MRTFB: variants seen among roughly 807,000 people sequenced by gnomAD.
The protein encoded by MRTFB is myocardin related transcription factor B.
In MRTFB, 29 loss-of-function variants were observed where a neutral mutation model predicts 104.2. The ratio of observed to expected loss-of-function variants is 0.28; its 90% CI spans 0.21 to 0.38. MRTFB has a LOEUF of 0.38. Ranked by LOEUF, MRTFB falls within the 10% of genes least tolerant of loss-of-function variation. The pLI is 1.00. For missense variants in MRTFB, 1,270 were observed against 1,341.6 expected, an observed-to-expected ratio of 0.95 and a Z score of 0.83; for synonymous variants, 535 against 519.5, an observed-to-expected ratio of 1.03 and a Z score of -0.41.
At chr16:14,028,426 G>A in the MRTFB span, among the ~76,000 whole-genome samples, 2 of 152,166 alleles carry the variant, frequency 1.3e-5, no homozygotes, top group African/African-American at 4.8e-5. Context: ...GACAGAGCTG[G>A]TGATTCCTGG....
chr16:14,261,247 A>G lies in MRTFB; in HGVS notation c.3103A>G (p.Thr1035Ala). ...GGACCATTCACACTCACCCATGGAG[A>G]CTTCCGAGACCCAGTTTGCTGCAGG... The part of the protein sequence containing the change: ...MLDHSHSPME[T>A]SETQFAAGTP... The change falls in exon 17 of 17, where the codon ACT becomes GCT. Residue 1035 changes from threonine to alanine, a missense_variant. Around this residue, in one of 3 missense-constraint regions of MRTFB, gnomAD observed 1,144 missense variants for 1,131.5 expected, o/e 1.01. Coordinates refer to ENST00000571589, the MANE Select transcript of MRTFB (RefSeq NM_001308142.2). 6.2e-7 allele frequency: 1 copy of G among 1,614,050 alleles called. No homozygotes were observed. Among genetic ancestry groups the G allele is most frequent in the Non-Finnish European group, 8.5e-7 (1 of 1,180,008 alleles).
chr16:14,002,804 G>A, the MRTFB span, among the ~76,000 whole-genome samples: 3 of 152,040 alleles, frequency 2.0e-5, no homozygotes, highest in East Asian at 1.9e-4. Context: ...ATTCCTAAAA[G>A]GCTGGAAAGA....
At chr16:14,249,931 C>T (rs901994294) in intron 13 of MRTFB, among the ~76,000 whole-genome samples, 1 of 152,154 alleles carries the variant, frequency 6.6e-6, no homozygotes, top group Non-Finnish European at 1.5e-5. Context: ...ACATGTAACA[C>T]GTGTGCTGCT....
At chr16:14,092,291 G>T (rs549893796) in intron 2 of MRTFB, among the ~76,000 whole-genome samples, 1 of 152,184 alleles carries the variant, frequency 6.6e-6, no homozygotes, top group South Asian at 2.1e-4. Context: ...GCGCATAGTG[G>T]GTGTACAGTA....
intron 3 of MRTFB, chr16:14,200,874 G>C: frequency 6.9e-7 from 1 of 1,458,954 alleles, no homozygotes. Flanking sequence ...GTTACCTCAG[G>C]TGTAAGGTGG....
At chr16:14,128,952 T>C (rs1596989858) in intron 2 of MRTFB, among the ~76,000 whole-genome samples, 1 of 152,266 alleles carries the variant, frequency 6.6e-6, no homozygotes, top group Admixed American at 6.5e-5. Flanking sequence ...GCTCCACTCC[T>C]GGCAGCCACT....
intron 2 of MRTFB, among the ~76,000 whole-genome samples, chr16:14,081,433 C>G (rs1301165019): frequency 1.3e-5 from 2 of 152,006 alleles, no homozygotes; most frequent in Non-Finnish European, 2.9e-5. Context: ...GCTGGGATTA[C>G]AGGCATCCGC....
rs2043820731 is a variant in MRTFB at position 14,262,811 on chromosome 16, C to A, written c.*1367C>A. 1 of 152,178 alleles carries A rather than the reference C, an allele frequency of 6.6e-6. No individual in the cohort carries two copies. The highest frequency in any genetic ancestry group is 6.5e-5 in the Admixed American group (1 of 15,282). 9.4% of individuals were successfully genotyped at this position (152,178 alleles called of 1,614,324 possible). ...GTAAATAACAAAAAACTGAAATCTA[C>A]CAAAAGAGCATGGAGATTTTTCTTA... On this transcript the variant is annotated 3_prime_UTR_variant, in exon 17 of 17. Transcript: ENST00000571589.
At chr16:14,062,948 A>G in the MRTFB span, among the ~76,000 whole-genome samples, 25 of 152,226 alleles carry the variant, frequency 1.6e-4, no homozygotes, top group African/African-American at 5.8e-4. Context: ...ACACTTCAAC[A>G]TTCTCATGGG....
chr16:14,028,946 A>G, the MRTFB span, among the ~76,000 whole-genome samples: 2 of 152,066 alleles, frequency 1.3e-5, no homozygotes, highest in African/African-American at 4.8e-5. Flanking sequence ...TGTTCTTCCC[A>G]CTGATGTCTC....
chr16:14,100,571 A>G (rs1737105077), intron 2 of MRTFB, among the ~76,000 whole-genome samples: 1 of 152,190 alleles, frequency 6.6e-6, no homozygotes, highest in South Asian at 2.1e-4. Flanking sequence ...TTTGGTATCA[A>G]GTTAATGCTG....
chr16:14,085,457 CAA>C (rs386384321), intron 2 of MRTFB, among the ~76,000 whole-genome samples: 6 of 61,856 alleles, frequency 9.7e-5, no homozygotes, highest in Admixed American at 1.7e-4. Flanking sequence ...AATTCCATCT[CAA>C]AAAAAAAAAA....
At chr16:14,096,823 A>G (rs1341848372) in intron 2 of MRTFB, among the ~76,000 whole-genome samples, 1 of 152,174 alleles carries the variant, frequency 6.6e-6, no homozygotes, top group African/African-American at 2.4e-5. Context: ...CCTGTTCCTA[A>G]GCTTTTTACA....
At chr16:14,101,050 A>G (rs1039317708) in intron 2 of MRTFB, among the ~76,000 whole-genome samples, 11 of 144,468 alleles carry the variant, frequency 7.6e-5, no homozygotes, top group African/African-American at 2.5e-4. Context: ...TTTCTGTTTC[A>G]TTGATTTTTC....
chr16:14,047,281 C>A, the MRTFB span, among the ~76,000 whole-genome samples: 1 of 152,216 alleles, frequency 6.6e-6, no homozygotes, highest in African/African-American at 2.4e-5. Flanking sequence ...GCTCAAGGAT[C>A]TTCATGTGTG....
the MRTFB span, among the ~76,000 whole-genome samples, chr16:14,004,549 C>T: frequency 1.3e-5 from 2 of 152,154 alleles, no homozygotes; most frequent in Admixed American, 1.3e-4. Flanking sequence ...CCAGGATGGC[C>T]AGGACACAGC....
chr16:14,238,372 TAAG>T (rs926204639), intron 9 of MRTFB, among the ~76,000 whole-genome samples: 5 of 151,622 alleles, frequency 3.3e-5, no homozygotes, highest in African/African-American at 9.7e-5. Flanking sequence ...TATAGCTTGG[TAAG>T]GAGGGAAGTG....
intron 15 of MRTFB, among the ~76,000 whole-genome samples, chr16:14,257,096 T>C (rs2043527050): frequency 6.6e-6 from 1 of 152,200 alleles, no homozygotes; most frequent in African/African-American, 2.4e-5. Flanking sequence ...CTACAAAGTA[T>C]TGGTGAGAAT....
chr16:14,170,559 C>T (rs924000960), intron 3 of MRTFB: 4 of 152,190 alleles, frequency 2.6e-5, no homozygotes, highest in African/African-American at 9.7e-5. Flanking sequence ...ACTTAAATCA[C>T]TCCCTGATTA....
Sources: gnomAD v4.1 joint callset for allele counts (sites outside exome capture counted in the v4.1 genomes callset) on GRCh38, gnomAD v4.1.1 for gene constraint, gnomAD v4.1.1 regional missense constraint, MANE v1.5 for transcripts, NCBI Gene and HGNC (gene_info 2026-07-23, HGNC 2026-07-21) for gene names.